ADGRL3: variants seen among roughly 807,000 people sequenced by gnomAD.
The protein encoded by ADGRL3 is adhesion G protein-coupled receptor L3.
Under a neutral mutation model 153.5 loss-of-function variants are expected in ADGRL3, and 62 were observed. That is an observed-to-expected ratio of 0.40 (90% CI 0.33 to 0.50). The LOEUF (loss-of-function observed/expected upper bound fraction) is 0.50. ADGRL3 is among the 20% of genes least tolerant of loss of function. ADGRL3 has a pLI of 0.47. For missense variants in ADGRL3, 1,641 were observed against 1,859.4 expected (o/e 0.88, Z 2.16); for synonymous variants, 710 against 672.5 (o/e 1.06, Z -0.86).
intron 2 of ADGRL3, among the ~76,000 whole-genome samples, chr4:61,400,978 AT>A (rs1341627598): frequency 4.6e-5 from 7 of 151,602 alleles, no homozygotes; most frequent in Non-Finnish European, 1.0e-4. Context: ...CACCTTTTCC[AT>A]TTTTGAATTT....
intron 1 of ADGRL3, among the ~76,000 whole-genome samples, chr4:61,319,126 T>A (rs976007187): frequency 1.3e-5 from 2 of 152,200 alleles, no homozygotes; most frequent in Non-Finnish European, 2.9e-5. Context: ...ATGTGTACAC[T>A]GAAATAGTGC....
intron 15 of ADGRL3, among the ~76,000 whole-genome samples, chr4:61,936,356 C>T (rs2098838263): frequency 6.6e-6 from 1 of 152,124 alleles, no homozygotes; most frequent in African/African-American, 2.4e-5. Context: ...AAAAGAGGAA[C>T]TCTCACTGAG....
intron 2 of ADGRL3, among the ~76,000 whole-genome samples, chr4:61,468,951 C>T (rs1380070208): frequency 6.6e-6 from 1 of 152,016 alleles, no homozygotes; most frequent in Non-Finnish European, 1.5e-5. Context: ...TATAATGAAA[C>T]TCTTCTTATT....
At chr4:61,480,675 C>T (rs1015571311) in intron 2 of ADGRL3, among the ~76,000 whole-genome samples, 12 of 151,936 alleles carry the variant, frequency 7.9e-5, no homozygotes, top group African/African-American at 2.9e-4. Flanking sequence ...CCCAGCTACT[C>T]GGGAGACTGA....
chr4:61,952,281 A>T (rs546605824), intron 17 of ADGRL3, among the ~76,000 whole-genome samples: 3 of 152,172 alleles, frequency 2.0e-5, no homozygotes, highest in East Asian at 3.9e-4. Context: ...GTTCAAGACC[A>T]GCCTGGGCAA....
chr4:61,267,176 T>C (rs2092899891), intron 1 of ADGRL3, among the ~76,000 whole-genome samples: 2 of 151,712 alleles, frequency 1.3e-5, no homozygotes, highest in Admixed American at 6.6e-5. Context: ...ATATTCATAA[T>C]AACCTTTTCT....
chr4:61,409,578 A>C (rs2097058499), intron 2 of ADGRL3, among the ~76,000 whole-genome samples: 1 of 151,336 alleles, frequency 6.6e-6, no homozygotes, highest in African/African-American at 2.4e-5. Context: ...TACAAAAGAA[A>C]GGCATTCAGA....
At chr4:61,831,681 A>G (rs540811961) in intron 9 of ADGRL3, among the ~76,000 whole-genome samples, 1 of 152,216 alleles carries the variant, frequency 6.6e-6, no homozygotes, top group South Asian at 2.1e-4. Flanking sequence ...AAAGTTCATT[A>G]AGGTATCCAG....
intron 5 of ADGRL3, among the ~76,000 whole-genome samples, chr4:61,662,334 C>T (rs1021704825): frequency 4.6e-5 from 7 of 152,232 alleles, no homozygotes; most frequent in African/African-American, 1.7e-4. Flanking sequence ...CTGGGAAGAC[C>T]CTTTGCCCCT....
intron 1 of ADGRL3, among the ~76,000 whole-genome samples, chr4:61,306,247 G>A (rs898942692): frequency 5.9e-5 from 9 of 151,818 alleles, no homozygotes; most frequent in East Asian, 1.9e-4. Context: ...ACAGGTACCC[G>A]CCACCACGCC....
intron 5 of ADGRL3, among the ~76,000 whole-genome samples, chr4:61,647,699 A>G (rs2094081743): frequency 6.6e-6 from 1 of 152,210 alleles, no homozygotes; most frequent in African/African-American, 2.4e-5. Flanking sequence ...TGAAATTATC[A>G]ATAAGAATGC....
intron 4 of ADGRL3, among the ~76,000 whole-genome samples, chr4:61,554,100 ATT>A (rs34976733): frequency 7.0e-6 from 1 of 143,180 alleles, no homozygotes. Context: ...GGCTTGGGCC[ATT>A]TTTTTTTTTT....
chr4:61,878,032 G>A (rs541032165), intron 9 of ADGRL3, among the ~76,000 whole-genome samples: 2 of 152,224 alleles, frequency 1.3e-5, no homozygotes, highest in African/African-American at 4.8e-5. Flanking sequence ...TAAGTTCGCT[G>A]AGGCTTCCCT....
At chr4:61,731,012 A>G (rs1399813647) in intron 7 of ADGRL3, among the ~76,000 whole-genome samples, 2 of 151,982 alleles carry the variant, frequency 1.3e-5, no homozygotes, top group Non-Finnish European at 2.9e-5. Context: ...GGAAAAGGGA[A>G]AAAGTTTTTC....
At chr4:61,615,670 G>A (rs1257800940) in intron 5 of ADGRL3, among the ~76,000 whole-genome samples, 2 of 151,718 alleles carry the variant, frequency 1.3e-5, no homozygotes, top group Admixed American at 6.6e-5. Flanking sequence ...GGATACTTTG[G>A]GGTAGAAGGT....
intron 1 of ADGRL3, among the ~76,000 whole-genome samples, chr4:61,275,867 A>G (rs950867): frequency 0.31 from 47,770 of 152,124 alleles, 8,033 homozygotes; most frequent in East Asian, 0.42. Flanking sequence ...TAAAAGTAGA[A>G]AACTAAATAA....
At chr4:62,006,656 AT>A (rs2099160528) in intron 21 of ADGRL3, among the ~76,000 whole-genome samples, 2 of 140,658 alleles carry the variant, frequency 1.4e-5, no homozygotes, top group African/African-American at 5.3e-5. Context: ...TATATCTATT[AT>A]TTTCTATAAT....
At chr4:61,379,041 A>G (rs2096637436) in intron 1 of ADGRL3, among the ~76,000 whole-genome samples, 1 of 152,036 alleles carries the variant, frequency 6.6e-6, no homozygotes, top group Admixed American at 6.6e-5. Context: ...TATTTTACAC[A>G]GTGATGAGGA....
At chr4:61,841,275 C>A (rs1429343759) in intron 9 of ADGRL3, among the ~76,000 whole-genome samples, 2 of 151,650 alleles carry the variant, frequency 1.3e-5, no homozygotes, top group Non-Finnish European at 2.9e-5. Context: ...AATTGTTGAT[C>A]GCTACCAGGT....
Sources: gnomAD v4.1 joint callset for allele counts (sites outside exome capture counted in the v4.1 genomes callset) on GRCh38, gnomAD v4.1.1 for gene constraint, MANE v1.5 for transcripts, NCBI Gene and HGNC (gene_info 2026-07-23, HGNC 2026-07-21) for gene names.